Variants in PPP1R9A observed in about 807,000 individuals in gnomAD.
PPP1R9A encodes the protein neurabin-1.
Under a neutral mutation model 141.9 loss-of-function variants are expected in PPP1R9A, and 59 were observed. That is an observed-to-expected ratio of 0.42 (90% CI 0.34 to 0.52). PPP1R9A has a LOEUF of 0.52. PPP1R9A is among the 20% of genes least tolerant of loss of function. The pLI is 0.10. For missense variants in PPP1R9A, 1,444 were observed against 1,611.9 expected (o/e 0.90, Z 1.78); for synonymous variants, 500 against 569.7 (o/e 0.88, Z 1.74).
chr7:95,256,340 A>G (rs1352894230), intron 12 of PPP1R9A, among the ~76,000 whole-genome samples: 3 of 152,194 alleles, frequency 2.0e-5, no homozygotes, highest in Non-Finnish European at 4.4e-5. Context: ...CTACTCATAT[A>G]AAATCAACAC....
intron 3 of PPP1R9A, 45 bp from the exon 4 acceptor site, chr7:95,120,666 TA>T: frequency 6.2e-7 from 1 of 1,600,160 alleles, no homozygotes; most frequent in South Asian, 1.1e-5. Flanking sequence ...CAGACTAGTG[TA>T]AAACTTAAGT....
chr7:95,150,592 G>A (rs912293432), intron 4 of PPP1R9A, among the ~76,000 whole-genome samples: 3 of 152,122 alleles, frequency 2.0e-5, no homozygotes, highest in Non-Finnish European at 2.9e-5. Flanking sequence ...ATGAGCCACC[G>A]CGTCCGGCTG....
intron 16 of PPP1R9A, among the ~76,000 whole-genome samples, chr7:95,282,954 G>A (rs909424715): frequency 6.6e-5 from 10 of 152,198 alleles, no homozygotes; most frequent in African/African-American, 2.4e-4. Flanking sequence ...GAAATGAGAT[G>A]TAAGAAGACT....
chr7:95,043,293 T>G (rs1809521482), intron 2 of PPP1R9A, among the ~76,000 whole-genome samples: 1 of 152,182 alleles, frequency 6.6e-6, no homozygotes, highest in African/African-American at 2.4e-5. Flanking sequence ...ATATCTGCCT[T>G]GAATAACTGT....
At chr7:95,084,146 G>A (rs960476480) in intron 2 of PPP1R9A, among the ~76,000 whole-genome samples, 1 of 152,010 alleles carries the variant, frequency 6.6e-6, no homozygotes, top group Non-Finnish European at 1.5e-5. Context: ...AAAGAACAAT[G>A]TGTTACCACT....
chr7:95,239,480 G>T (rs988107828), intron 8 of PPP1R9A, among the ~76,000 whole-genome samples: 2 of 152,152 alleles, frequency 1.3e-5, no homozygotes, highest in African/African-American at 4.8e-5. Context: ...GATCACGTTA[G>T]CCTGGGAGGT....
chr7:95,245,263 T>C lies in PPP1R9A; in HGVS notation c.2113-2210T>C, dbSNP rs148578958. 4.9e-3 allele frequency among the ~76,000 whole-genome samples: 740 copies of C among 152,300 alleles called. 4 individuals are homozygous for C. Among genetic ancestry groups the C allele is most frequent in the African/African-American group, 0.017 (695 of 41,556 alleles). ...TGGTGGGGGAGATTAGCCCTAATAT[T>C]TATTAGAGGGAGAAAAAGTCATTTT... On this transcript the variant is annotated intron_variant, in intron 8 of 19. Coordinates refer to ENST00000433360, the MANE Select transcript of PPP1R9A (RefSeq NM_001166160.2).
chr7:94,970,243 AG>A (rs1798713281), intron 2 of PPP1R9A, among the ~76,000 whole-genome samples: 1 of 152,202 alleles, frequency 6.6e-6, no homozygotes, highest in African/African-American at 2.4e-5. Context: ...ACGGCCATCC[AG>A]TTTTGTGCTT....
chr7:95,060,913 A>G (rs1266987070), intron 2 of PPP1R9A, among the ~76,000 whole-genome samples: 1 of 152,224 alleles, frequency 6.6e-6, no homozygotes, highest in Admixed American at 6.5e-5. Flanking sequence ...CGTTAATCCC[A>G]GTATAACTCA....
intron 2 of PPP1R9A, among the ~76,000 whole-genome samples, chr7:95,096,619 C>T (rs1273214738): frequency 6.6e-6 from 1 of 152,122 alleles, no homozygotes; most frequent in Non-Finnish European, 1.5e-5. Context: ...AAGACAAATG[C>T]TTTTAGGGAC....
intron 5 of PPP1R9A, among the ~76,000 whole-genome samples, chr7:95,190,602 GA>G (rs1430879625): frequency 6.6e-6 from 1 of 151,950 alleles, no homozygotes; most frequent in East Asian, 1.9e-4. Flanking sequence ...TCCCTCCTTG[GA>G]ACAGGATTGT....
At position 94,910,089 on chromosome 7, in the gene PPP1R9A, T is replaced by C; in HGVS notation, c.-25T>C. On this transcript the variant is annotated 5_prime_UTR_variant, in exon 2 of 20. Transcript: ENST00000433360. This position sits in a 1 kb window ranked among gnomAD's most constrained non-coding sequence, Gnocchi z 4.5. ...TTTTTTTCTTTGATCATTATGAACATTGGCTTTTCACCCCTGAAGTGAAAA... is the reference window on the plus strand; with the variant it reads ...TTTTTTTCTTTGATCATTATGAACACTGGCTTTTCACCCCTGAAGTGAAAA... The C allele has an allele frequency of 1.3e-6, 2 of 1,577,324 alleles. No individual in the cohort carries two copies. The highest frequency in any genetic ancestry group is 8.6e-7 in the Non-Finnish European group (1 of 1,163,660).
intron 8 of PPP1R9A, among the ~76,000 whole-genome samples, chr7:95,235,447 A>G (rs1020304053): frequency 4.6e-5 from 7 of 152,202 alleles, no homozygotes; most frequent in Admixed American, 2.0e-4. Flanking sequence ...TATCAGGGAA[A>G]TGTAAATCAA....
intron 2 of PPP1R9A, among the ~76,000 whole-genome samples, chr7:94,979,510 A>AC (rs1269976469): frequency 6.6e-6 from 1 of 152,244 alleles, no homozygotes; most frequent in Non-Finnish European, 1.5e-5. Flanking sequence ...CAAAGCTTTG[A>AC]CAGTAATTTT....
intron 2 of PPP1R9A, among the ~76,000 whole-genome samples, chr7:94,941,267 A>T (rs182116555): frequency 1.8e-4 from 28 of 152,218 alleles, no homozygotes; most frequent in Middle Eastern, 3.4e-3. Context: ...CAAAGCAGAG[A>T]TCAGTTTTGC....
At chr7:95,150,589 ACCGCGT>A (rs1828484936) in intron 4 of PPP1R9A, among the ~76,000 whole-genome samples, 1 of 152,212 alleles carries the variant, frequency 6.6e-6, no homozygotes, top group Non-Finnish European at 1.5e-5. Flanking sequence ...GGCATGAGCC[ACCGCGT>A]CCGGCTGGCA....
chr7:95,210,689 C>T (rs1791910702), intron 7 of PPP1R9A, among the ~76,000 whole-genome samples: 1 of 152,194 alleles, frequency 6.6e-6, no homozygotes, highest in African/African-American at 2.4e-5. Context: ...TGTAAAGACA[C>T]ATGCACACGT....
chr7:95,075,376 T>C (rs1466049193), intron 2 of PPP1R9A, among the ~76,000 whole-genome samples: 1 of 152,184 alleles, frequency 6.6e-6, no homozygotes, highest in Non-Finnish European at 1.5e-5. Flanking sequence ...TCTTCTGCCC[T>C]CTTAAGTTCA....
intron 2 of PPP1R9A, among the ~76,000 whole-genome samples, chr7:94,975,343 G>A (rs1016467092): frequency 3.4e-5 from 3 of 89,200 alleles, no homozygotes; most frequent in African/African-American, 4.6e-5. Flanking sequence ...TGGACAGGCT[G>A]TAGTTTTTTT....
Sources: gnomAD v4.1 joint callset for allele counts (sites outside exome capture counted in the v4.1 genomes callset) on GRCh38, gnomAD v4.1.1 for gene constraint, Gnocchi (gnomAD v3.1) non-coding constraint, MANE v1.5 for transcripts, NCBI Gene and HGNC (gene_info 2026-07-23, HGNC 2026-07-21) for gene names.